The following SKA3 variants were observed in gnomAD, a reference collection of about 807,000 sequenced individuals.
SKA3 encodes the protein spindle and kinetochore associated complex subunit 3, also known as spindle and kinetochore-associated protein 3.
A neutral mutation model predicts 44.2 loss-of-function variants in SKA3; 39 were observed. The observed-to-expected ratio is 0.88, with a 90% CI of 0.68 to 1.15. The LOEUF is 1.15. Ranked by LOEUF, SKA3 falls within the 50% of genes most tolerant of loss-of-function variation. The pLI is 0.00. For synonymous variants in SKA3, 192 were observed against 172.0 expected, an observed-to-expected ratio of 1.12 and a Z score of -0.91; for missense variants, 511 against 485.8, an observed-to-expected ratio of 1.05 and a Z score of -0.49.
chr13:21,170,731 A>G (rs987333759), intron 3 of SKA3, among the ~76,000 whole-genome samples: 11 of 152,204 alleles, frequency 7.2e-5, no homozygotes. Flanking sequence ...TCACTACTCC[A>G]TAGGGAGATA....
At chr13:21,159,174 T>C (rs1001972718) in intron 6 of SKA3, among the ~76,000 whole-genome samples, 2 of 152,222 alleles carry the variant, frequency 1.3e-5, no homozygotes, top group South Asian at 2.1e-4. Context: ...GGCTACCATA[T>C]TGGACAGTGC....
At chr13:21,172,803 A>G in intron 1 of SKA3, 122 bp from the exon 2 acceptor site, 1 of 583,960 alleles carries the variant, frequency 1.7e-6, no homozygotes, top group South Asian at 2.5e-5. Context: ...CACATATGAC[A>G]GTGGTACCAT....
At chr13:21,163,320 G>A (rs1870537467) in intron 4 of SKA3, among the ~76,000 whole-genome samples, 1 of 152,142 alleles carries the variant, frequency 6.6e-6, no homozygotes, top group Admixed American at 6.6e-5. Flanking sequence ...GTCTAGATTT[G>A]CTTGGTACTT....
chr13:21,156,540 G>A (rs1322567325), intron 7 of SKA3, among the ~76,000 whole-genome samples: 5 of 152,148 alleles, frequency 3.3e-5, no homozygotes, highest in Non-Finnish European at 5.9e-5. Context: ...AGCAACCATA[G>A]GGAAGTGGAA....
chr13:21,165,054 C>G (rs1402676585), intron 4 of SKA3, among the ~76,000 whole-genome samples: 3 of 151,828 alleles, frequency 2.0e-5, no homozygotes, highest in African/African-American at 7.3e-5. Context: ...AATAATTTAT[C>G]TAAATATTTA....
At chr13:21,169,527 C>T (rs1313354603) in intron 3 of SKA3, among the ~76,000 whole-genome samples, 7 of 151,940 alleles carry the variant, frequency 4.6e-5, no homozygotes, top group South Asian at 4.1e-4. Flanking sequence ...GTACCTAGCC[C>T]GCCTCCAGCA....
intron 3 of SKA3, among the ~76,000 whole-genome samples, chr13:21,171,657 C>A (rs747514398): frequency 6.6e-6 from 1 of 152,026 alleles, no homozygotes; most frequent in Non-Finnish European, 1.5e-5. Flanking sequence ...GGGTGACTGA[C>A]ATGCTAGGAA....
chr13:21,161,283 C>CA (rs1207385486), intron 5 of SKA3, among the ~76,000 whole-genome samples: 3 of 151,922 alleles, frequency 2.0e-5, no homozygotes, highest in Non-Finnish European at 2.9e-5. Context: ...GAAAACAAAA[C>CA]AAAAAAATCA....
Position 21,154,758 on chromosome 13 carries a change from G to A in SKA3, c.*392C>T, listed in dbSNP as rs1474827536. The A allele has an allele frequency of 2.3e-5, 7 of 305,874 alleles. No individual in the cohort carries two copies. Among genetic ancestry groups the A allele is most frequent in the Non-Finnish European group, 3.8e-5 (6 of 158,718 alleles). 18.9% of individuals were successfully genotyped at this position (305,874 alleles called of 1,614,324 possible). A position where few individuals can be genotyped will look rare whatever the true frequency, so the allele number is the denominator to read the frequency against. ...CGGTCCTGAAAGGAGATGATGGGAA[G>A]GCAGAGCTGGCTGGCAGCAATGTCT... On this transcript the variant is annotated 3_prime_UTR_variant, in exon 9 of 9. Transcript: ENST00000314759.
At chr13:21,172,754 C>T (rs1871137823) in intron 1 of SKA3, 73 bp from the exon 2 acceptor site, 1 of 828,722 alleles carries the variant, frequency 1.2e-6, no homozygotes, top group Non-Finnish European at 1.9e-6. Flanking sequence ...GAATAGTATA[C>T]AATCATATAC....
chr13:21,165,989 T>C (rs1333992494), intron 4 of SKA3, among the ~76,000 whole-genome samples: 1 of 152,022 alleles, frequency 6.6e-6, no homozygotes, highest in Non-Finnish European at 1.5e-5. Context: ...GAACACCATC[T>C]ATGCTCAGAG....
chr13:21,173,970 TAAG>T (rs1298028360), intron 1 of SKA3, among the ~76,000 whole-genome samples: 1 of 152,200 alleles, frequency 6.6e-6, no homozygotes, highest in Non-Finnish European at 1.5e-5. Context: ...CAGCAGTGCA[TAAG>T]AAGTGCATTT....
At chr13:21,162,791 T>C (rs1649230585) in intron 4 of SKA3, among the ~76,000 whole-genome samples, 2 of 152,226 alleles carry the variant, frequency 1.3e-5, no homozygotes, top group African/African-American at 4.8e-5. Flanking sequence ...TAGTGGCTTA[T>C]GCCTGTTGCA....
At position 21,168,238 on chromosome 13, in the gene SKA3, G is replaced by A. The variant is rs372912263; in HGVS notation, c.493C>T (p.Arg165Trp). The A allele has an allele frequency of 6.8e-6, 11 of 1,614,010 alleles. No homozygotes were observed. The highest frequency in any genetic ancestry group is 1.6e-4 in the Middle Eastern group (1 of 6,084). Residue 165 changes from arginine to tryptophan, a missense_variant, in exon 4 of 9, where the codon CGG becomes TGG. Transcript: ENST00000314759. ...SPQLSDFGLE[R>W]YIVSQVLPNP... ...GGTAGAACTTGGGATACGATGTACC[G>A]CTCAAGTCCAAAATCTGAAAGTTGT...
intron 7 of SKA3, among the ~76,000 whole-genome samples, chr13:21,156,427 G>A (rs1870123706): frequency 6.6e-6 from 1 of 152,084 alleles, no homozygotes; most frequent in Admixed American, 6.6e-5. Flanking sequence ...TAAAAATTAT[G>A]AAAGGAGAAC....
intron 3 of SKA3, 45 bp downstream of exon 3, chr13:21,172,294 T>C (rs764903270): frequency 1.8e-6 from 2 of 1,104,436 alleles, no homozygotes; most frequent in Non-Finnish European, 2.4e-6. Flanking sequence ...GCTGCCTTGT[T>C]TCTTCAATAC....
intron 4 of SKA3, among the ~76,000 whole-genome samples, chr13:21,164,059 C>T (rs1364785788): frequency 9.9e-5 from 15 of 151,986 alleles, no homozygotes; most frequent in East Asian, 1.9e-4. Context: ...CCACCACGCC[C>T]GGCCTCTTCT....
At chr13:21,173,683 C>T (rs1314919512) in intron 1 of SKA3, among the ~76,000 whole-genome samples, 4 of 152,214 alleles carry the variant, frequency 2.6e-5, no homozygotes, top group African/African-American at 7.2e-5. Context: ...CTTCCACGTT[C>T]GTAATCTAAT....
intron 5 of SKA3, among the ~76,000 whole-genome samples, chr13:21,161,147 G>A (rs1348757336): frequency 2.6e-5 from 4 of 152,114 alleles, no homozygotes; most frequent in Non-Finnish European, 4.4e-5. Context: ...GCTGGACGTC[G>A]TGGTGTGTGC....
Sources: gnomAD v4.1 joint callset for allele counts (sites outside exome capture counted in the v4.1 genomes callset) on GRCh38, gnomAD v4.1.1 for gene constraint, MANE v1.5 for transcripts, NCBI Gene and HGNC (gene_info 2026-07-23, HGNC 2026-07-21) for gene names.